The following SLC23A1 variants were observed in gnomAD, a reference collection of about 807,000 sequenced individuals.
SLC23A1 encodes solute carrier family 23 member 1.
In SLC23A1, 31 loss-of-function variants were observed where a neutral mutation model predicts 62.5. The ratio of observed to expected loss-of-function variants is 0.50; its 90% confidence interval spans 0.37 to 0.67. SLC23A1 has a LOEUF of 0.67. Among genes scored for constraint, SLC23A1 ranks in the 30% least tolerant of loss-of-function variants. The pLI is 0.00. For missense variants in SLC23A1, 640 were observed against 782.7 expected, an observed-to-expected ratio of 0.82 and a Z score of 2.18; for synonymous variants, 271 against 313.2, an observed-to-expected ratio of 0.87 and a Z score of 1.42.
At chr5:139,375,609 C>T (rs954414136) in intron 13 of SLC23A1, among the ~76,000 whole-genome samples, 5 of 150,902 alleles carry the variant, frequency 3.3e-5, no homozygotes, top group East Asian at 3.9e-4. Context: ...CCAAGGTGGG[C>T]GGATCACCTG....
chr5:139,380,542 T>C, intron 5 of SLC23A1, 23 bp downstream of exon 5: 1 of 1,612,892 alleles, frequency 6.2e-7, no homozygotes, highest in Non-Finnish European at 8.5e-7. Flanking sequence ...CCCGGCCTCT[T>C]CTATGCTTAC....
chr5:139,374,610 C>T (rs973250733), intron 13 of SLC23A1, among the ~76,000 whole-genome samples: 3 of 152,206 alleles, frequency 2.0e-5, no homozygotes, highest in African/African-American at 7.2e-5. Flanking sequence ...GACAACCCCC[C>T]TGAGCTTTAG....
At chr5:139,383,123 C>A (rs563195759) in intron 1 of SLC23A1, 95 bp downstream of exon 1, 2 of 800,562 alleles carry the variant, frequency 2.5e-6, no homozygotes, top group Non-Finnish European at 3.7e-6. Flanking sequence ...TTCATCAGAA[C>A]GTTTATCTCT....
rs1446238048 is a variant in SLC23A1, at chr5:139,381,951, G to A, written c.249C>T (p.Ile83=). 3.1e-6 allele frequency: 5 copies of A among 1,589,530 alleles called. No individual in the cohort carries two copies. The highest frequency in any genetic ancestry group is 2.3e-5 in the East Asian group (1 of 43,612). ...GHDQHMVSQL[I]GTIFTCVGIT... ...TGCCCACGCACGTGAAGATGGTGCC[G>A]ATGAGCTGACTAACCATGTGCTGGT... The change falls in exon 3 of 15, where the codon ATC becomes ATT. Residue 83 remains isoleucine, a synonymous_variant. Coordinates refer to ENST00000348729, the MANE Select transcript of SLC23A1 (RefSeq NM_005847.5).
At chr5:139,369,691 TA>T (rs1561969187) in intron 14 of SLC23A1, 1 of 152,582 alleles carries the variant, frequency 6.6e-6, no homozygotes, top group African/African-American at 2.4e-5. Context: ...CAAAAATATT[TA>T]AAAAAATAAA....
chr5:139,382,468 G>A (rs529606513), intron 2 of SLC23A1, 24 bp downstream of exon 2: 3 of 1,370,112 alleles, frequency 2.2e-6, no homozygotes, highest in African/African-American at 2.8e-5. Context: ...CAGAGTGAGG[G>A]CGGGGAGGCC....
In SLC23A1 at chr5:139,379,434, G is replaced by C; in HGVS notation, c.926-80C>G. 2 of 1,420,994 alleles carry C rather than the reference G, an allele frequency of 1.4e-6. No individual in the cohort carries two copies. The highest frequency in any genetic ancestry group is 2.3e-5 in the South Asian group (2 of 85,458). 88.0% of individuals were successfully genotyped at this position (1,420,994 alleles called of 1,614,324 possible). On this transcript the variant is annotated intron_variant, in intron 8 of 14. Coordinates refer to ENST00000348729, the MANE Select transcript of SLC23A1 (RefSeq NM_005847.5). The surrounding 1 kb of genome is among the most constrained non-coding windows in gnomAD (Gnocchi z 4.7). ...GGAATAGACAGGGCAGTGCTGGAAGGAGCAAGAGCAGATCAGGAGACCTCA... is the reference window on the plus strand; with the variant it reads ...GGAATAGACAGGGCAGTGCTGGAAGCAGCAAGAGCAGATCAGGAGACCTCA...
In SLC23A1 at chr5:139,380,651, A is replaced by G. The variant is rs775266627; in HGVS notation, c.398-19T>C. On this transcript the variant is annotated intron_variant, in intron 4 of 14. Coordinates refer to ENST00000348729, the MANE Select transcript of SLC23A1 (RefSeq NM_005847.5). ...ATCTCCTCTGGGGGTAGAGTCAGGG[A>G]TACACACACGGACCAGGTACAGAGA... is the stretch of plus-strand genomic sequence containing the variant. 1.3e-6 allele frequency: 2 copies of G among 1,590,698 alleles called. No individual in the cohort carries two copies. The highest frequency in any genetic ancestry group is 1.1e-5 in the South Asian group (1 of 90,604).
intron 14 of SLC23A1, among the ~76,000 whole-genome samples, chr5:139,369,945 G>T (rs1757550398): frequency 6.6e-6 from 1 of 152,176 alleles, no homozygotes; most frequent in African/African-American, 2.4e-5. Context: ...AGTGTCAGGG[G>T]AATCCTAGAT....
intron 14 of SLC23A1, chr5:139,369,792 A>G (rs1408857973): frequency 6.6e-6 from 1 of 152,310 alleles, no homozygotes; most frequent in Admixed American, 6.5e-5. Context: ...CCAGTGCCTC[A>G]GGACAATCTT....
chr5:139,380,949 G>T (rs530984775), intron 3 of SLC23A1, 63 bp from the exon 4 acceptor site: 4 of 761,782 alleles, frequency 5.3e-6, no homozygotes, highest in African/African-American at 3.5e-5. Flanking sequence ...GGATAAAGAT[G>T]CGGGGAGAGA....
intron 14 of SLC23A1, among the ~76,000 whole-genome samples, chr5:139,370,329 C>T (rs1441663313): frequency 6.6e-6 from 1 of 152,136 alleles, no homozygotes; most frequent in Non-Finnish European, 1.5e-5. Flanking sequence ...TGCCACCACA[C>T]CTGGCTAATT....
At chr5:139,380,920 A>C (rs1164035260) in intron 3 of SLC23A1, 34 bp from the exon 4 acceptor site, 2 of 40,700 alleles carry the variant, frequency 4.9e-5, no homozygotes, top group South Asian at 3.6e-4. Flanking sequence ...AGGGGTGGGG[A>C]GGGGCGGGTG....
Position 139,383,212 on chromosome 5 carries a change from C to A in SLC23A1, c.36+6G>T. The A allele has an allele frequency of 6.4e-7, 1 of 1,555,778 alleles. No homozygotes were observed. The stretch of plus-strand genomic sequence containing the variant: ...CCCCCTAGCCCCCACCCCCAGCCCC[C>A]AGCACCTGTGTCCGGCCCTCGAGGT... On this transcript the variant is annotated splice_donor_region_variant and intron_variant, in intron 1 of 14. Transcript: ENST00000348729.
rs1561979793 is a variant in SLC23A1 at position 139,380,231 on chromosome 5, G to C, written c.624C>G (p.Gly208=). The C allele has an allele frequency of 6.4e-7, 1 of 1,561,768 alleles. No individual in the cohort carries two copies. Among genetic ancestry groups the C allele is most frequent in the Non-Finnish European group, 8.7e-7 (1 of 1,152,816 alleles). ...SVFQAAGDRA[G]SHWGISACSI... is the part of the protein sequence containing the mutation. ...ACCAAGCTGAGATGCCCCAGTGGGA[G>C]CCAGCTCGGTCGCCAGCAGCTTGGA... Residue 208 remains glycine, a synonymous_variant, in exon 6 of 15, where the codon GGC becomes GGG. Coordinates refer to ENST00000348729, the MANE Select transcript of SLC23A1 (RefSeq NM_005847.5).
At chr5:139,375,286 G>A (rs1021017776) in intron 13 of SLC23A1, among the ~76,000 whole-genome samples, 3 of 152,192 alleles carry the variant, frequency 2.0e-5, no homozygotes, top group Non-Finnish European at 4.4e-5. Context: ...TGCAGCCCAG[G>A]TCCCCTGAAA....
Position 139,379,529 on chromosome 5 carries a change from GC to G in SLC23A1, c.925+148del. The G allele has an allele frequency of 1.9e-6, 2 of 1,038,918 alleles. No individual in the cohort carries two copies. Among genetic ancestry groups the G allele is most frequent in the Non-Finnish European group, 2.9e-6 (2 of 679,728 alleles). The allele number at this position is 1,038,918 out of a possible 1,614,324, so 64.4% of individuals were successfully genotyped here. On this transcript the variant is annotated intron_variant, in intron 8 of 14. Transcript: ENST00000348729. This position sits in a 1 kb window ranked among gnomAD's most constrained non-coding sequence, Gnocchi z 4.7. ...CTCAGAGCCAGGAAGTGGGACTGAA[GC>G]TTTGTCTAAGTAAAACACCACTCTG...
chr5:139,369,353 T>C (rs560634620), intron 14 of SLC23A1: 20 of 152,978 alleles, frequency 1.3e-4, no homozygotes, highest in African/African-American at 4.8e-4. Context: ...TTGTTAGAAA[T>C]ATTGAGTTCT....
At chr5:139,369,330 T>G (rs1220698937) in intron 14 of SLC23A1, 1 of 152,864 alleles carries the variant, frequency 6.5e-6, no homozygotes, top group Non-Finnish European at 1.5e-5. Context: ...GTCCAGCCTT[T>G]TCTGGTATGT....
Sources: gnomAD v4.1 joint callset for allele counts (sites outside exome capture counted in the v4.1 genomes callset) on GRCh38, gnomAD v4.1.1 for gene constraint, Gnocchi (gnomAD v3.1) non-coding constraint, MANE v1.5 for transcripts, NCBI Gene and HGNC (gene_info 2026-07-23, HGNC 2026-07-21) for gene names.